PLEKHM3: variants seen among roughly 807,000 people sequenced by gnomAD.
PLEKHM3 encodes the protein pleckstrin homology domain-containing family M member 3.
A neutral mutation model predicts 81.8 loss-of-function variants in PLEKHM3; 45 were observed. The ratio of observed to expected loss-of-function variants is 0.55; its 90% CI spans 0.43 to 0.71. The LOEUF is 0.71. Among genes scored for constraint, PLEKHM3 ranks in the 30% least tolerant of loss-of-function variants. The probability of loss-of-function intolerance (pLI) is 0.00; values close to 1 mark genes in which losing one functional copy is unlikely to be tolerated. For missense variants in PLEKHM3, 788 were observed against 924.3 expected (o/e 0.85, Z 1.91); for synonymous variants, 352 against 356.4 (o/e 0.99, Z 0.14).
intron 2 of PLEKHM3, among the ~76,000 whole-genome samples, chr2:207,992,579 T>A (rs893582053): frequency 6.6e-6 from 1 of 152,148 alleles, no homozygotes; most frequent in East Asian, 1.9e-4. Context: ...CAACCTTCCA[T>A]GTGTTCATGC....
At chr2:208,004,436 A>G (rs1234332306) in intron 1 of PLEKHM3, among the ~76,000 whole-genome samples, 1 of 151,460 alleles carries the variant, frequency 6.6e-6, no homozygotes, top group East Asian at 1.9e-4. Context: ...AAAAAAATGT[A>G]TATCACCATT....
At chr2:207,832,443 A>T (rs1194708777) in intron 7 of PLEKHM3, among the ~76,000 whole-genome samples, 1 of 152,246 alleles carries the variant, frequency 6.6e-6, no homozygotes, top group African/African-American at 2.4e-5. Context: ...ACATTAAAAA[A>T]TGTAATATAT....
chr2:207,936,731 G>GA (rs369668678), intron 4 of PLEKHM3, among the ~76,000 whole-genome samples: 1 of 151,336 alleles, frequency 6.6e-6, no homozygotes, highest in African/African-American at 2.4e-5. Flanking sequence ...GCTTATCAAT[G>GA]AAAAAAAATT....
chr2:207,841,334 G>A (rs1405454723), intron 7 of PLEKHM3, among the ~76,000 whole-genome samples: 1 of 149,520 alleles, frequency 6.7e-6, no homozygotes, highest in African/African-American at 2.5e-5. Flanking sequence ...GCTTGGTGAT[G>A]TTCACTTGTG....
chr2:207,851,023 C>T (rs527933022), intron 7 of PLEKHM3, among the ~76,000 whole-genome samples: 13 of 152,070 alleles, frequency 8.5e-5, no homozygotes, highest in South Asian at 2.1e-4. Context: ...CGTCGTGGCA[C>T]GCACCTGTAA....
At chr2:207,829,414 C>T (rs1398998597) in intron 7 of PLEKHM3, among the ~76,000 whole-genome samples, 1 of 152,108 alleles carries the variant, frequency 6.6e-6, no homozygotes, top group Non-Finnish European at 1.5e-5. Flanking sequence ...GTAGTTGGGA[C>T]TACAGGCACC....
intron 7 of PLEKHM3, among the ~76,000 whole-genome samples, chr2:207,834,130 C>CT (rs35913574): frequency 0.65 from 91,063 of 140,502 alleles, 29,854 homozygotes; most frequent in African/African-American, 0.75. Context: ...TTTTCTCTTT[C>CT]TTTTTTTTTT....
At chr2:207,842,720 TAATAAG>T (rs2092361445) in intron 7 of PLEKHM3, among the ~76,000 whole-genome samples, 1 of 152,202 alleles carries the variant, frequency 6.6e-6, no homozygotes, top group Non-Finnish European at 1.5e-5. Context: ...ATAGTCACAA[TAATAAG>T]AATAGTTCTG....
At chr2:207,983,892 A>G (rs947337280) in intron 2 of PLEKHM3, among the ~76,000 whole-genome samples, 1 of 152,176 alleles carries the variant, frequency 6.6e-6, no homozygotes, top group African/African-American at 2.4e-5. Flanking sequence ...ATCAAGGTTG[A>G]GTCCTCCTCC....
chr2:207,972,333 A>G (rs1385586482), intron 3 of PLEKHM3, among the ~76,000 whole-genome samples: 1 of 125,284 alleles, frequency 8.0e-6, no homozygotes, highest in Non-Finnish European at 1.6e-5. Flanking sequence ...TCATCCCAGC[A>G]CTTTGGGAGG....
At chr2:207,946,285 T>C (rs1258589536) in intron 4 of PLEKHM3, 82 bp downstream of exon 4, 3 of 1,471,444 alleles carry the variant, frequency 2.0e-6, no homozygotes, top group Non-Finnish European at 2.8e-6. Context: ...TCAAATTGTT[T>C]GATCACCATC....
In PLEKHM3 at chr2:207,828,494, C is replaced by T; in HGVS notation, c.2111G>A (p.Cys704Tyr). Residue 704 changes from cysteine (C) to tyrosine (Y), a missense_variant and splice_region_variant, in exon 8 of 8, where the codon TGT becomes TAT. Cys to Tyr is a radical substitution (Grantham distance 194, BLOSUM62 -2). Transcript: ENST00000427836. ...YPFEDISTSRCESCGAVFHSE... is the reference protein window; with the variant it reads ...YPFEDISTSRYESCGAVFHSE... ...ATGGAAAACGGCTCCACAGCTTTCA[C>T]ACCTGCAAAAGTCAACCATGGATAT... The T allele has an allele frequency of 1.2e-6, 2 of 1,613,390 alleles. No homozygotes were observed. The highest frequency in any genetic ancestry group is 1.7e-6 in the Non-Finnish European group (2 of 1,179,666).
At chr2:207,981,329 A>G (rs1691516490) in intron 2 of PLEKHM3, among the ~76,000 whole-genome samples, 1 of 151,974 alleles carries the variant, frequency 6.6e-6, no homozygotes, top group African/African-American at 2.4e-5. Flanking sequence ...ATCTCTAACA[A>G]TTCTTTCTAC....
chr2:207,936,714 T>C (rs1689765103), intron 4 of PLEKHM3, among the ~76,000 whole-genome samples: 1 of 152,148 alleles, frequency 6.6e-6, no homozygotes, highest in Non-Finnish European at 1.5e-5. Context: ...TATCTACAGA[T>C]AGTTTTGCTT....
At chr2:207,969,413 T>C (rs1295965082) in intron 3 of PLEKHM3, among the ~76,000 whole-genome samples, 1 of 152,232 alleles carries the variant, frequency 6.6e-6, no homozygotes, top group Non-Finnish European at 1.5e-5. Flanking sequence ...AACCACCCCA[T>C]ACTTTCTATC....
intron 6 of PLEKHM3, 22 bp from the exon 7 acceptor site, chr2:207,861,284 A>C: frequency 6.2e-7 from 1 of 1,611,678 alleles, no homozygotes; most frequent in Non-Finnish European, 8.5e-7. Context: ...GAAATGGGAC[A>C]GGGAAGCACA....
intron 6 of PLEKHM3, among the ~76,000 whole-genome samples, chr2:207,889,994 G>A (rs192077665): frequency 2.6e-5 from 4 of 152,114 alleles, no homozygotes; most frequent in East Asian, 1.9e-4. Flanking sequence ...TAGTAGAGAC[G>A]GGGTTTCACC....
intron 3 of PLEKHM3, among the ~76,000 whole-genome samples, chr2:207,947,230 T>C (rs1690162570): frequency 1.3e-5 from 2 of 152,156 alleles, no homozygotes; most frequent in Non-Finnish European, 2.9e-5. Flanking sequence ...GCATGCTTAC[T>C]CCACCCTCCA....
At chr2:208,007,122 G>A (rs779585609) in intron 1 of PLEKHM3, among the ~76,000 whole-genome samples, 1 of 152,182 alleles carries the variant, frequency 6.6e-6, no homozygotes, top group Non-Finnish European at 1.5e-5. Flanking sequence ...GAGTGCTGAA[G>A]GTGTCTGGGG....
Sources: allele counts gnomAD v4.1 joint callset (sites outside exome capture counted in the v4.1 genomes callset), GRCh38; gene constraint gnomAD v4.1.1; transcripts MANE v1.5; gene names NCBI Gene and HGNC (gene_info 2026-07-23, HGNC 2026-07-21).